CDYL2: variants seen among roughly 807,000 people sequenced by gnomAD.
The protein encoded by CDYL2 is chromodomain Y like 2.
Under a neutral mutation model 49.4 loss-of-function variants are expected in CDYL2, and 23 were observed. The ratio of observed to expected loss-of-function variants is 0.47; its 90% CI spans 0.34 to 0.66. The LOEUF (loss-of-function observed/expected upper bound fraction) is 0.66. CDYL2 is among the 30% of genes least tolerant of loss of function. The probability of loss-of-function intolerance (pLI) is 0.01; values close to 1 mark genes in which losing one functional copy is unlikely to be tolerated. For missense variants in CDYL2, 678 were observed against 656.4 expected (o/e 1.03, Z -0.36); for synonymous variants, 360 against 268.8 (o/e 1.34, Z -3.32).
intron 1 of CDYL2, among the ~76,000 whole-genome samples, chr16:80,753,409 G>C (rs962638755): frequency 1.3e-5 from 2 of 152,112 alleles, no homozygotes; most frequent in African/African-American, 2.4e-5. Context: ...GGGAGTTCGA[G>C]ACCAGCCTGA....
Position 80,714,595 on chromosome 16 carries a change from T to A in CDYL2, c.25-29466A>T, listed in dbSNP as rs2142516476. 1.3e-5 allele frequency among the ~76,000 whole-genome samples: 2 copies of A among 152,260 alleles called. 1 individual carries two copies. Among genetic ancestry groups the A allele is most frequent in the South Asian group, 4.2e-4 (2 of 4,812 alleles). ...CCTGCAAGACGTAAGACTTCCTAAA[T>A]TTGCCACAAGTTATGGTCACCTCAA... On this transcript the variant is annotated intron_variant, in intron 1 of 6. Coordinates refer to ENST00000570137, the MANE Select transcript of CDYL2 (RefSeq NM_152342.4).
intron 6 of CDYL2, among the ~76,000 whole-genome samples, chr16:80,607,573 C>T (rs549724161): frequency 3.3e-5 from 5 of 152,222 alleles, no homozygotes; most frequent in South Asian, 2.1e-4. Flanking sequence ...AAAATCAACA[C>T]TTAATTAAAA....
In CDYL2 at chr16:80,750,620, G is replaced by A. The variant is rs13339421; in HGVS notation, c.24+53530C>T. Reference sequence around the variant, plus strand: ...AAAATATATTATCAAAATTATTAGAGAGGAGGGAGAAAAATCTGACTAAGC... The same window carrying A: ...AAAATATATTATCAAAATTATTAGAAAGGAGGGAGAAAAATCTGACTAAGC... On this transcript the variant is annotated intron_variant, in intron 1 of 6. Transcript: ENST00000570137. Among the ~76,000 whole-genome samples, 1,333 of 152,066 alleles carry A rather than the reference G, an allele frequency of 8.8e-3. 18 individuals are homozygous for A. The highest frequency in any genetic ancestry group is 0.031 in the African/African-American group (1,296 of 41,530).
chr16:80,716,508 G>A (rs11643615), intron 1 of CDYL2, among the ~76,000 whole-genome samples: 9 of 151,880 alleles, frequency 5.9e-5, no homozygotes, highest in African/African-American at 1.9e-4. Context: ...TGGAGGGATG[G>A]ATGGATGATA....
At chr16:80,643,180 G>A (rs1443558100) in intron 2 of CDYL2, among the ~76,000 whole-genome samples, 1 of 152,164 alleles carries the variant, frequency 6.6e-6, no homozygotes, top group Non-Finnish European at 1.5e-5. Context: ...CAGGGCCCAG[G>A]CAATTCCAAA....
At chr16:80,662,186 C>T (rs1309809295) in intron 2 of CDYL2, among the ~76,000 whole-genome samples, 1 of 152,220 alleles carries the variant, frequency 6.6e-6, no homozygotes, top group Admixed American at 6.5e-5. Flanking sequence ...ATTTATATCA[C>T]ATCTGGCGCT....
At position 80,769,619 on chromosome 16, in the gene CDYL2, C is replaced by G. The variant is rs9931055; in HGVS notation, c.24+34531G>C. The stretch of plus-strand genomic sequence containing the variant: ...CTTCTGGTCATGTCAACAGGAAGTA[C>G]AAACTTCTCCCAGCTCCCTTCCTCC... On this transcript the variant is annotated intron_variant, in intron 1 of 6. Transcript: ENST00000570137. 3.0e-3 allele frequency among the ~76,000 whole-genome samples: 456 copies of G among 152,274 alleles called. 2 individuals are homozygous for G. Among genetic ancestry groups the G allele is most frequent in the African/African-American group, 0.011 (446 of 41,556 alleles).
intron 2 of CDYL2, among the ~76,000 whole-genome samples, chr16:80,640,736 T>C (rs374709851): frequency 5.3e-5 from 8 of 151,714 alleles, no homozygotes; most frequent in Non-Finnish European, 7.4e-5. Flanking sequence ...ATTAGATAAA[T>C]TTAACACGGA....
rs112469697 is a variant in CDYL2 at position 80,727,146 on chromosome 16, C to T, written c.25-42017G>A. Reference sequence around the variant, plus strand: ...AGTCTACAGCTCCCAGCGTGAGTGACGCAGAAGACGGGTGATTTCTGCATT... The same window carrying T: ...AGTCTACAGCTCCCAGCGTGAGTGATGCAGAAGACGGGTGATTTCTGCATT... On this transcript the variant is annotated intron_variant, in intron 1 of 6. Coordinates refer to ENST00000570137, the MANE Select transcript of CDYL2 (RefSeq NM_152342.4). 8.0e-3 allele frequency among the ~76,000 whole-genome samples: 1,214 copies of T among 152,320 alleles called. 22 individuals carry two copies. Among genetic ancestry groups the T allele is most frequent in the African/African-American group, 0.026 (1,094 of 41,568 alleles).
chr16:80,617,352 G>A (rs1212018670), intron 4 of CDYL2, among the ~76,000 whole-genome samples: 2 of 152,198 alleles, frequency 1.3e-5, no homozygotes, highest in East Asian at 1.9e-4. Context: ...TCCAAACAAC[G>A]TTTTAGCCCT....
rs1289176204 is a variant in CDYL2 at position 80,612,855 on chromosome 16, C to A, written c.1008-19G>T. 2.5e-6 allele frequency: 4 copies of A among 1,588,408 alleles called. No homozygotes were observed. Reference sequence around the variant, plus strand: ...AAAGTCCCTGGGAGAGAAAGAAGATCCTCTTGAACAGGTGACTATAGCATG... The same window carrying A: ...AAAGTCCCTGGGAGAGAAAGAAGATACTCTTGAACAGGTGACTATAGCATG... On this transcript the variant is annotated intron_variant, in intron 4 of 6. Coordinates refer to ENST00000570137, the MANE Select transcript of CDYL2 (RefSeq NM_152342.4). This position sits in a 1 kb window ranked among gnomAD's most constrained non-coding sequence, Gnocchi z 5.0.
At position 80,729,567 on chromosome 16, in the gene CDYL2, C is replaced by T. The variant is rs572365671; in HGVS notation, c.25-44438G>A. On this transcript the variant is annotated intron_variant, in intron 1 of 6. Transcript: ENST00000570137. ...CGAGACAGAAAGTCAACAAGGATAC[C>T]CAGGAATTGAACTCAGCTCTGCACC... Among the ~76,000 whole-genome samples, 654 of 151,940 alleles carry T rather than the reference C, an allele frequency of 4.3e-3. 5 individuals carry two copies. Among genetic ancestry groups the T allele is most frequent in the African/African-American group, 0.014 (592 of 41,446 alleles).
intron 2 of CDYL2, among the ~76,000 whole-genome samples, chr16:80,634,487 G>C (rs1907725815): frequency 6.6e-6 from 1 of 152,098 alleles, no homozygotes; most frequent in South Asian, 2.1e-4. Flanking sequence ...CACACACCAG[G>C]GCCTGTCGTG....
Position 80,611,670 on chromosome 16 carries a change from G to C in CDYL2, c.1218+956C>G, listed in dbSNP as rs1234475484. 2.6e-5 allele frequency among the ~76,000 whole-genome samples: 4 copies of C among 152,342 alleles called. No individual in the cohort carries two copies. In the East Asian group the frequency reaches 7.7e-4, roughly 29 times the overall value. On this transcript the variant is annotated intron_variant, in intron 5 of 6. Coordinates refer to ENST00000570137, the MANE Select transcript of CDYL2 (RefSeq NM_152342.4). ...AAATCCCACAACTGGCACTACCACT[G>C]CATGCCTTTAGACAACTCACTAAAC...
chr16:80,606,499 C>A (rs1435706210), intron 6 of CDYL2, among the ~76,000 whole-genome samples: 2 of 152,156 alleles, frequency 1.3e-5, no homozygotes, highest in Non-Finnish European at 2.9e-5. Context: ...CATCCCCGTG[C>A]CACCTGACTG....
intron 2 of CDYL2, among the ~76,000 whole-genome samples, chr16:80,677,068 T>C (rs1909778974): frequency 6.9e-6 from 1 of 145,940 alleles, no homozygotes; most frequent in Non-Finnish European, 1.5e-5. Context: ...CCTCCTGGGC[T>C]CAAGTGATCC....
chr16:80,714,784 A>G (rs1904739781), intron 1 of CDYL2, among the ~76,000 whole-genome samples: 1 of 152,220 alleles, frequency 6.6e-6, no homozygotes, highest in Non-Finnish European at 1.5e-5. Flanking sequence ...GCTCAGTGAC[A>G]GGATAAATTA....
At chr16:80,712,185 G>GTATATATATA (rs1032871818) in intron 1 of CDYL2, among the ~76,000 whole-genome samples, 18 of 15,588 alleles carry the variant, frequency 1.2e-3, no homozygotes, top group African/African-American at 4.4e-3. Context: ...CTTTGTGTCT[G>GTATATATATA]TGTGTGTATA....
At chr16:80,793,367 A>G (rs1316503264) in intron 1 of CDYL2, among the ~76,000 whole-genome samples, 3 of 152,234 alleles carry the variant, frequency 2.0e-5, no homozygotes, top group Non-Finnish European at 4.4e-5. Context: ...GCTTTAAGGC[A>G]CTTTTGTTAC....
Sources: gnomAD v4.1 joint callset for allele counts (sites outside exome capture counted in the v4.1 genomes callset) on GRCh38, gnomAD v4.1.1 for gene constraint, Gnocchi (gnomAD v3.1) non-coding constraint, MANE v1.5 for transcripts, NCBI Gene and HGNC (gene_info 2026-07-23, HGNC 2026-07-21) for gene names.